Variants in SGF29 observed in about 807,000 individuals in gnomAD.
The protein encoded by SGF29 is SAGA-associated factor 29.
A neutral mutation model predicts 38.1 loss-of-function variants in SGF29; 15 were observed. The ratio of observed to expected loss-of-function variants is 0.39; its 90% CI spans 0.26 to 0.61. The LOEUF (loss-of-function observed/expected upper bound fraction) is 0.61, where lower values mean the gene tolerates loss of function less well. SGF29 is among the 20% of genes least tolerant of loss of function. SGF29 has a pLI of 0.49. For synonymous variants in SGF29, 151 were observed against 160.8 expected, an observed-to-expected ratio of 0.94 and a Z score of 0.46; for missense variants, 184 against 394.6, an observed-to-expected ratio of 0.47 and a Z score of 4.52.
At chr16:28,581,669 G>A (rs1162848130) in intron 2 of SGF29, among the ~76,000 whole-genome samples, 1 of 151,966 alleles carries the variant, frequency 6.6e-6, no homozygotes, top group East Asian at 2.0e-4. Context: ...CCTAGTAGCT[G>A]GGATTACAGG....
intron 1 of SGF29, among the ~76,000 whole-genome samples, chr16:28,572,141 T>C (rs2046868601): frequency 6.6e-6 from 1 of 151,566 alleles, no homozygotes; most frequent in African/African-American, 2.4e-5. Flanking sequence ...CACGCCCGGC[T>C]AATTTTTAGT....
chr16:28,573,549 G>A (rs1439339946), intron 1 of SGF29, among the ~76,000 whole-genome samples: 1 of 152,116 alleles, frequency 6.6e-6, no homozygotes, highest in African/African-American at 2.4e-5. Context: ...CCTCTAAAGG[G>A]GTTTGGAAGC....
At chr16:28,568,205 C>T (rs1470743001) in intron 1 of SGF29, among the ~76,000 whole-genome samples, 2 of 148,418 alleles carry the variant, frequency 1.3e-5, no homozygotes, top group African/African-American at 5.0e-5. Flanking sequence ...CCCAGCTGCT[C>T]AGGAGGCTGA....
At chr16:28,583,075 C>T (rs2046935832) in intron 2 of SGF29, among the ~76,000 whole-genome samples, 1 of 152,264 alleles carries the variant, frequency 6.6e-6, no homozygotes, top group South Asian at 2.1e-4. Context: ...AGACTCCCAT[C>T]TCACCCGTCA....
chr16:28,572,903 A>G (rs930829731), intron 1 of SGF29, among the ~76,000 whole-genome samples: 2 of 150,776 alleles, frequency 1.3e-5, no homozygotes, highest in African/African-American at 4.9e-5. Flanking sequence ...CCACGTGTTC[A>G]CATTCCTCCG....
At chr16:28,564,039 G>T (rs1228124) in intron 1 of SGF29, among the ~76,000 whole-genome samples, 3 of 152,120 alleles carry the variant, frequency 2.0e-5, no homozygotes, top group Non-Finnish European at 2.9e-5. Context: ...AAGCCACTGT[G>T]CCTGGCCAAG....
chr16:28,558,860 G>T (rs903156296), intron 1 of SGF29, among the ~76,000 whole-genome samples: 3 of 152,132 alleles, frequency 2.0e-5, no homozygotes, highest in Non-Finnish European at 4.4e-5. Context: ...CTACAAATAT[G>T]AATTAGAATA....
At chr16:28,585,089 C>A in intron 3 of SGF29, 101 bp downstream of exon 3, 1 of 853,628 alleles carries the variant, frequency 1.2e-6, no homozygotes, top group Non-Finnish European at 1.9e-6. Context: ...AATAGATTTG[C>A]ATGTATCTGC....
intron 2 of SGF29, among the ~76,000 whole-genome samples, chr16:28,582,385 G>GA (rs1555476364): frequency 1.3e-3 from 192 of 152,012 alleles, no homozygotes; most frequent in African/African-American, 4.4e-3. Context: ...ATGATGGGGG[G>GA]CACGCAACAT....
intron 1 of SGF29, among the ~76,000 whole-genome samples, chr16:28,568,602 G>A (rs1021932360): frequency 6.6e-6 from 1 of 150,870 alleles, no homozygotes; most frequent in Non-Finnish European, 1.5e-5. Context: ...TGGTTGGGGG[G>A]GGCTCACATT....
intron 2 of SGF29, 105 bp downstream of exon 2, chr16:28,581,249 C>A: frequency 9.9e-7 from 1 of 1,006,562 alleles, no homozygotes; most frequent in South Asian, 1.4e-5. Flanking sequence ...CTCGCAGGAA[C>A]CAAAATGACG....
intron 5 of SGF29, among the ~76,000 whole-genome samples, chr16:28,589,765 T>G (rs1799542957): frequency 6.6e-6 from 1 of 151,788 alleles, no homozygotes; most frequent in Admixed American, 6.6e-5. Flanking sequence ...AAGTGCAGAG[T>G]TCAATGAAAT....
At chr16:28,589,253 T>A in intron 5 of SGF29, 89 bp downstream of exon 5, 3 of 1,331,140 alleles carry the variant, frequency 2.3e-6, no homozygotes, top group Non-Finnish European at 3.2e-6. Context: ...TGGGGGCCTG[T>A]GGCCACCACC....
intron 1 of SGF29, among the ~76,000 whole-genome samples, chr16:28,564,773 GTA>G (rs369629923): frequency 0.24 from 8,579 of 36,460 alleles, 827 homozygotes; most frequent in Middle Eastern, 0.39. Context: ...GTATATATAT[GTA>G]TATATATATA....
rs1180382752 is a variant in SGF29 at position 28,584,911 on chromosome 16, A to G, written c.76-2A>G. The G allele has an allele frequency of 6.2e-7, 1 of 1,612,738 alleles. No homozygotes were observed. The highest frequency in any genetic ancestry group is 1.3e-5 in the African/African-American group (1 of 75,008). On this transcript the variant is annotated splice_acceptor_variant, in intron 2 of 9. Transcript: ENST00000317058. LOFTEE classifies it high-confidence loss of function. ...CATGTCCTGCTGCTCTTTTCCTTAC[A>G]GGAAGAGCGTTCGCGGAGCGAACAC...
intron 1 of SGF29, 192 bp downstream of exon 1, chr16:28,554,289 G>A (rs879733584): frequency 4.0e-5 from 6 of 151,854 alleles, no homozygotes; most frequent in Non-Finnish European, 7.4e-5. Flanking sequence ...CCGGGGCTCG[G>A]GGAGGGCGGG....
chr16:28,591,053 C>T, intron 9 of SGF29, 118 bp downstream of exon 9: 9 of 1,252,932 alleles, frequency 7.2e-6, no homozygotes, highest in Non-Finnish European at 9.7e-6. Context: ...TCCAAGCTGA[C>T]AGGACCCACC....
intron 2 of SGF29, among the ~76,000 whole-genome samples, chr16:28,581,590 C>A (rs951894574): frequency 6.6e-6 from 1 of 151,898 alleles, no homozygotes; most frequent in African/African-American, 2.4e-5. Context: ...GGCTGGAGTG[C>A]GGTGGCGCGA....
At chr16:28,584,124 A>G (rs1400210459) in intron 2 of SGF29, among the ~76,000 whole-genome samples, 1 of 151,172 alleles carries the variant, frequency 6.6e-6, no homozygotes, top group African/African-American at 2.4e-5. Context: ...CCGAGTAGCT[A>G]GGACTATACG....
Sources: gnomAD v4.1 joint callset for allele counts (sites outside exome capture counted in the v4.1 genomes callset) on GRCh38, gnomAD v4.1.1 for gene constraint, MANE v1.5 for transcripts, NCBI Gene and HGNC (gene_info 2026-07-23, HGNC 2026-07-21) for gene names.